CYLD: variants seen among roughly 807,000 people sequenced by gnomAD.
CYLD encodes the protein CYLD lysine 63 deubiquitinase.
Under a neutral mutation model 104.5 loss-of-function variants are expected in CYLD, and 26 were observed. That is an observed-to-expected ratio of 0.25 (90% CI 0.18 to 0.35). The LOEUF is 0.35. Among genes scored for constraint, CYLD ranks in the 10% least tolerant of loss-of-function variants. CYLD has a pLI of 1.00. For missense variants in CYLD, 703 were observed against 1,136.1 expected (o/e 0.62, Z 5.48); for synonymous variants, 385 against 399.9 (o/e 0.96, Z 0.45).
intron 3 of CYLD, 80 bp downstream of exon 3, chr16:50,750,282 T>C: frequency 6.7e-7 from 1 of 1,493,868 alleles, no homozygotes; most frequent in Non-Finnish European, 9.3e-7. Flanking sequence ...ATACATATTT[T>C]TCTCCTTAAA....
At chr16:50,777,017 A>G (rs1969755959) in intron 7 of CYLD, among the ~76,000 whole-genome samples, 1 of 152,208 alleles carries the variant, frequency 6.6e-6, no homozygotes, top group East Asian at 1.9e-4. Flanking sequence ...ATAGATCTAT[A>G]TAGGATAGCT....
chr16:50,796,514 G>T lies in CYLD; in HGVS notation c.*6G>T. The T allele has an allele frequency of 6.2e-7, 1 of 1,612,330 alleles. No individual in the cohort carries two copies. Among genetic ancestry groups the T allele is most frequent in the Admixed American group, 1.7e-5 (1 of 60,032 alleles). On this transcript the variant is annotated 3_prime_UTR_variant, in exon 19 of 19. Transcript: ENST00000427738. ...CAATGAGTTTGTACAAATAACTGGG[G>T]TCATCGGGAAAGGCAAAGAAACTGA...
chr16:50,787,832 A>C lies in CYLD; in HGVS notation c.2088A>C (p.Val696=). The change falls in exon 14 of 19, where the codon GTA becomes GTC. Residue 696 remains valine, a synonymous_variant. Transcript: ENST00000427738. ...TTCTGTTTCATCATATTTTAAGGGTAGAACCTTTGCTAAAAATAAGGTAAC... is the reference window on the plus strand; with the variant it reads ...TTCTGTTTCATCATATTTTAAGGGTCGAACCTTTGCTAAAAATAAGGTAAC... ...LNILFHHILR[V]EPLLKIRSAG... 6.5e-7 allele frequency: 1 copy of C among 1,543,840 alleles called. No individual in the cohort carries two copies. Among genetic ancestry groups the C allele is most frequent in the Non-Finnish European group, 8.9e-7 (1 of 1,119,330 alleles).
chr16:50,747,680 C>A (rs913595964), intron 2 of CYLD, among the ~76,000 whole-genome samples: 1 of 151,698 alleles, frequency 6.6e-6, no homozygotes. Flanking sequence ...TATATTGTGT[C>A]AAGATAGAGG....
chr16:50,794,655 C>G lies in CYLD; in HGVS notation c.2686+227C>G. ...TCCTTTTTTGAGATGGAGTCTCACT[C>G]TGTCACCCAGGCTGGAGTGCAGCAG... On this transcript the variant is annotated intron_variant, in intron 18 of 18. Coordinates refer to ENST00000427738, the MANE Select transcript of CYLD (RefSeq NM_001378743.1). The surrounding 1 kb of genome is among the most constrained non-coding windows in gnomAD (Gnocchi z 4.1). The G allele has an allele frequency of 1.9e-6, 1 of 538,560 alleles. No individual in the cohort carries two copies. Among genetic ancestry groups the G allele is most frequent in the Non-Finnish European group, 3.3e-6 (1 of 299,664 alleles). 33.4% of individuals were successfully genotyped at this position (538,560 alleles called of 1,614,324 possible).
At chr16:50,776,818 A>T (rs1052759915) in intron 7 of CYLD, among the ~76,000 whole-genome samples, 1 of 152,212 alleles carries the variant, frequency 6.6e-6, no homozygotes, top group Admixed American at 6.5e-5. Flanking sequence ...GAGCTCATTA[A>T]AAAGGCTCTG....
chr16:50,777,708 T>G (rs1299100223), intron 7 of CYLD, 117 bp from the exon 8 acceptor site: 2 of 681,110 alleles, frequency 2.9e-6, no homozygotes, highest in Non-Finnish European at 5.3e-6. Flanking sequence ...TTTATATACA[T>G]TTATTGGTTA....
At chr16:50,792,575 A>C (rs760382041) in intron 15 of CYLD, 22 bp from the exon 16 acceptor site, 32 of 1,541,854 alleles carry the variant, frequency 2.1e-5, no homozygotes. Flanking sequence ...TTTGATTCTA[A>C]AAATATCTGT....
At chr16:50,775,360 C>T (rs945951920) in intron 6 of CYLD, among the ~76,000 whole-genome samples, 186 bp downstream of exon 6, 1 of 152,178 alleles carries the variant, frequency 6.6e-6, no homozygotes, top group Non-Finnish European at 1.5e-5. Flanking sequence ...ACTTATTACA[C>T]CTATATTTCA....
chr16:50,791,000 T>A (rs78172507), intron 14 of CYLD, among the ~76,000 whole-genome samples: 9,830 of 152,246 alleles, frequency 0.065, 451 homozygotes, highest in South Asian at 0.23. Flanking sequence ...TCAGACAGCA[T>A]GCTTTAGCAG....
intron 2 of CYLD, 128 bp from the exon 3 acceptor site, chr16:50,749,448 G>A: frequency 1.8e-6 from 1 of 570,500 alleles, no homozygotes; most frequent in Non-Finnish European, 3.1e-6. Flanking sequence ...TTTCATTTGT[G>A]TGTATGTGTT....
At chr16:50,753,210 A>G (rs1254176260) in intron 4 of CYLD, among the ~76,000 whole-genome samples, 1 of 152,236 alleles carries the variant, frequency 6.6e-6, no homozygotes, top group African/African-American at 2.4e-5. Flanking sequence ...AGAGTAAAAC[A>G]TGTATGCCCC....
intron 5 of CYLD, among the ~76,000 whole-genome samples, chr16:50,762,032 T>A (rs1202499785): frequency 6.6e-6 from 1 of 152,198 alleles, no homozygotes; most frequent in Non-Finnish European, 1.5e-5. Flanking sequence ...AAAAATTGTA[T>A]ATATTCATGG....
intron 5 of CYLD, among the ~76,000 whole-genome samples, chr16:50,760,659 C>A (rs143907007): frequency 6.6e-6 from 1 of 152,014 alleles, no homozygotes; most frequent in Non-Finnish European, 1.5e-5. Context: ...TTCCATTGTA[C>A]GGAAAAAAAT....
intron 14 of CYLD, among the ~76,000 whole-genome samples, chr16:50,789,737 A>C (rs1379017571): frequency 6.6e-6 from 1 of 152,242 alleles, no homozygotes; most frequent in African/African-American, 2.4e-5. Flanking sequence ...TACCTTAAAA[A>C]AAATCTAAAA....
At chr16:50,786,484 G>A (rs1008933760) in intron 12 of CYLD, 21 of 189,830 alleles carry the variant, frequency 1.1e-4, no homozygotes, top group Non-Finnish European at 1.7e-4. Context: ...TGTTGGCCAG[G>A]TGTGGTGGCG....
intron 18 of CYLD, among the ~76,000 whole-genome samples, chr16:50,796,051 C>T (rs1972014934): frequency 6.6e-6 from 1 of 152,082 alleles, no homozygotes; most frequent in Admixed American, 6.5e-5. Context: ...TAATATGATT[C>T]AGAGAGAAGT....
intron 14 of CYLD, among the ~76,000 whole-genome samples, chr16:50,788,141 A>C (rs1486977179): frequency 1.3e-5 from 2 of 152,196 alleles, no homozygotes; most frequent in African/African-American, 4.8e-5. Flanking sequence ...ATATTTTCAT[A>C]ATTTCAATTA....
chr16:50,745,761 G>A (rs893237916), intron 2 of CYLD, among the ~76,000 whole-genome samples: 1 of 151,992 alleles, frequency 6.6e-6, no homozygotes, highest in Non-Finnish European at 1.5e-5. Flanking sequence ...TACTGAAAGC[G>A]TAAAAAATAC....
Sources: allele counts gnomAD v4.1 joint callset (sites outside exome capture counted in the v4.1 genomes callset), GRCh38; gene constraint gnomAD v4.1.1; non-coding constraint Gnocchi (gnomAD v3.1); transcripts MANE v1.5; gene names NCBI Gene and HGNC (gene_info 2026-07-23, HGNC 2026-07-21).